The following TRMT6 variants were observed in gnomAD, a reference collection of about 807,000 sequenced individuals.
TRMT6 encodes the protein tRNA methyltransferase 6 non-catalytic subunit.
Under a neutral mutation model 59.0 loss-of-function variants are expected in TRMT6, and 34 were observed. That is an observed-to-expected ratio of 0.58 (90% CI 0.44 to 0.77). The LOEUF is 0.77. Ranked by LOEUF, TRMT6 falls within the 30% of genes least tolerant of loss-of-function variation. The pLI is 0.00. For synonymous variants in TRMT6, 217 were observed against 210.5 expected (o/e 1.03, Z -0.27); for missense variants, 575 against 604.5 (o/e 0.95, Z 0.51).
At chr20:5,945,684 A>G (rs778452414) in intron 2 of TRMT6, among the ~76,000 whole-genome samples, 3 of 152,218 alleles carry the variant, frequency 2.0e-5, no homozygotes, top group Non-Finnish European at 4.4e-5. Context: ...ATGTATCTAA[A>G]TAACAGGTTT....
At chr20:5,943,482 C>T in intron 6 of TRMT6, 77 bp downstream of exon 6, 1 of 1,576,978 alleles carries the variant, frequency 6.3e-7, no homozygotes, top group South Asian at 1.2e-5. Flanking sequence ...TTTGGCTTTC[C>T]ATGAGTTTAC....
intron 3 of TRMT6, 124 bp downstream of exon 3, chr20:5,944,681 T>C (rs1013902512): frequency 1.5e-6 from 1 of 648,272 alleles, no homozygotes; most frequent in Non-Finnish European, 2.7e-6. Context: ...CATTTCAACC[T>C]ATTTCTATCA....
At chr20:5,945,539 A>G (rs1053476311) in intron 2 of TRMT6, among the ~76,000 whole-genome samples, 1 of 152,176 alleles carries the variant, frequency 6.6e-6, no homozygotes, top group African/African-American at 2.4e-5. Flanking sequence ...TTGCTTGTCT[A>G]CTTGATTATT....
intron 9 of TRMT6, 44 bp from the exon 10 acceptor site, chr20:5,941,183 T>C (rs1186134308): frequency 1.2e-6 from 2 of 1,603,982 alleles, no homozygotes; most frequent in Middle Eastern, 1.7e-4. Context: ...CTTCCTGGGA[T>C]GCAGTTTAAG....
chr20:5,949,045 C>A (rs1401153404), intron 1 of TRMT6, among the ~76,000 whole-genome samples: 2 of 152,078 alleles, frequency 1.3e-5, no homozygotes, highest in Admixed American at 6.6e-5. Context: ...AAAAGTAATA[C>A]AATAACCTAG....
At position 5,950,489 on chromosome 20, in the gene TRMT6, T is replaced by C. The variant is rs561862666; in HGVS notation, c.-84A>G. 33 of 1,450,774 alleles carry C rather than the reference T, an allele frequency of 2.3e-5. No individual in the cohort carries two copies. The highest frequency in any genetic ancestry group is 4.6e-5 in the Admixed American group (2 of 43,336). The allele number at this position is 1,450,774 out of a possible 1,614,324, so 89.9% of individuals were successfully genotyped here. On this transcript the variant is annotated 5_prime_UTR_variant, in exon 1 of 11. Coordinates refer to ENST00000203001, the MANE Select transcript of TRMT6 (RefSeq NM_015939.5). The stretch of plus-strand genomic sequence containing the variant: ...ACCGCCAGCCTCACTTCCCACAACC[T>C]GGCGCACTAGGAGCCCTCCGACCGG...
chr20:5,950,470 AGCC>A lies in TRMT6; in HGVS notation c.-68_-66del, dbSNP rs2088782662. On this transcript the variant is annotated 5_prime_UTR_variant, in exon 1 of 11. It adds an upstream start codon to the 5' untranslated region. Transcript: ENST00000203001. ...CTCCTCCTCGGTTGTCGCCACCGCC[AGCC>A]TCACTTCCCACAACCTGGCGCACTA... The A allele has an allele frequency of 2.2e-5, 33 of 1,505,414 alleles. No individual in the cohort carries two copies. The highest frequency in any genetic ancestry group is 2.8e-5 in the Non-Finnish European group (31 of 1,127,086). The allele number at this position is 1,505,414 out of a possible 1,614,324, so 93.3% of individuals were successfully genotyped here. A position where few individuals can be genotyped will look rare whatever the true frequency, so the allele number is the denominator to read the frequency against.
At position 5,938,329 on chromosome 20, in the gene TRMT6, T is replaced by C; in HGVS notation, c.*206A>G. ...TTTTGTTAAATGCAGTTGGTCATAC[T>C]ACATACCCCATGGTTGCAGTTTTGA... is the stretch of plus-strand genomic sequence containing the variant. On this transcript the variant is annotated 3_prime_UTR_variant, in exon 11 of 11. Coordinates refer to ENST00000203001, the MANE Select transcript of TRMT6 (RefSeq NM_015939.5). The C allele has an allele frequency of 1.9e-6, 1 of 531,082 alleles. No individual in the cohort carries two copies. The highest frequency in any genetic ancestry group is 3.2e-5 in the Admixed American group (1 of 30,946). The allele number at this position is 531,082 out of a possible 1,614,324, so 32.9% of individuals were successfully genotyped here.
intron 1 of TRMT6, among the ~76,000 whole-genome samples, chr20:5,948,715 G>T (rs1487504555): frequency 1.3e-5 from 2 of 152,032 alleles, no homozygotes; most frequent in African/African-American, 4.8e-5. Flanking sequence ...AAAAAAAGAA[G>T]AATTTAAAAA....
At chr20:5,942,257 T>G (rs758331786) in intron 7 of TRMT6, 171 bp downstream of exon 7, 16 of 757,084 alleles carry the variant, frequency 2.1e-5, no homozygotes, top group Non-Finnish European at 3.5e-5. Context: ...TAAAGCTCCA[T>G]CCCGAAGACC....
chr20:5,944,257 T>A lies in TRMT6; in HGVS notation c.367-4A>T, dbSNP rs1048162193. The A allele has an allele frequency of 6.6e-7, 1 of 1,513,882 alleles. No homozygotes were observed. The highest frequency in any genetic ancestry group is 2.0e-5 in the Admixed American group (1 of 48,990). The allele number at this position is 1,513,882 out of a possible 1,614,324, so 93.8% of individuals were successfully genotyped here. A position where few individuals can be genotyped will look rare whatever the true frequency, so the allele number is the denominator to read the frequency against. On this transcript the variant is annotated splice_region_variant and splice_polypyrimidine_tract_variant and intron_variant, in intron 3 of 10. Coordinates refer to ENST00000203001, the MANE Select transcript of TRMT6 (RefSeq NM_015939.5). Reference sequence around the variant, plus strand: ...CAATTAACTGCTGAACTATTTCCTATAAGAAAAGGAGCAAGTAGATTTTCT... The same window carrying A: ...CAATTAACTGCTGAACTATTTCCTAAAAGAAAAGGAGCAAGTAGATTTTCT...
chr20:5,950,349 G>A lies in TRMT6; in HGVS notation c.57C>T (p.Arg19=), dbSNP rs138297718. 46 of 1,612,498 alleles carry A rather than the reference G, an allele frequency of 2.9e-5. No individual in the cohort carries two copies. The East Asian group carries it at 9.4e-4, about 33-fold the overall frequency. Residue 19 remains arginine (R), a synonymous_variant, in exon 1 of 11, where the codon CGC becomes CGT. Coordinates refer to ENST00000203001, the MANE Select transcript of TRMT6 (RefSeq NM_015939.5). ...GPQPQHPGDH[R]IRDGDFVVLK... is the part of the protein sequence containing the mutation. The stretch of plus-strand genomic sequence containing the variant: ...GCACCACGAAGTCGCCGTCGCGGAT[G>A]CGGTGGTCTCCGGGATGCTGTGGTT...
chr20:5,938,541 G>A lies in TRMT6; in HGVS notation c.1488C>T (p.Asp496=). The change falls in exon 11 of 11, where the codon GAC becomes GAT. Residue 496 remains aspartate (D), a synonymous_variant. Transcript: ENST00000203001. ...AAKKRKCPES[D]S ...AGAGCAATTCTCAAAAGGGTTAAGA[G>A]TCAGACTCTGGGCATTTTCGTTTTT... 1 of 1,613,954 alleles carries A rather than the reference G, an allele frequency of 6.2e-7. No homozygotes were observed. The highest frequency in any genetic ancestry group is 2.2e-5 in the East Asian group (1 of 44,880).
Position 5,950,322 on chromosome 20 carries a change from C to T in TRMT6, c.84G>A (p.Leu28=). 4 of 1,613,774 alleles carry T rather than the reference C, an allele frequency of 2.5e-6. No individual in the cohort carries two copies. Among genetic ancestry groups the T allele is most frequent in the Non-Finnish European group, 3.4e-6 (4 of 1,179,992 alleles). Reference sequence around the variant, plus strand: ...CTGCTTTAAACACATCTTCACGTTTCAGCACCACGAAGTCGCCGTCGCGGA... The same window carrying T: ...CTGCTTTAAACACATCTTCACGTTTTAGCACCACGAAGTCGCCGTCGCGGA... ...HRIRDGDFVV[L]KREDVFKAVQ... is the part of the protein sequence containing the mutation. The change falls in exon 1 of 11, where the codon CTG becomes CTA. Residue 28 remains leucine, a synonymous_variant. Transcript: ENST00000203001.
At position 5,950,385 on chromosome 20, in the gene TRMT6, C is replaced by A. The variant is rs1393828430; in HGVS notation, c.21G>T (p.Gln7His). The change falls in exon 1 of 11, where the codon CAG (glutamine) becomes CAT (histidine). Residue 7 changes from glutamine (Q) to histidine (H), a missense_variant. Coordinates refer to ENST00000203001, the MANE Select transcript of TRMT6 (RefSeq NM_015939.5). ...CGGGATGCTGTGGTTGTGGGCCCGG[C>A]TGCTCCCCTGAGCCCTCCATGACGC... MEGSGE[Q>H]PGPQPQHPGD... 2 of 1,604,858 alleles carry A rather than the reference C, an allele frequency of 1.2e-6. No homozygotes were observed. The highest frequency in any genetic ancestry group is 3.3e-5 in the Admixed American group (2 of 59,926).
chr20:5,938,246 T>G lies in TRMT6; in HGVS notation c.*289A>C. ...TATAAAGTCTTGTAGAAACACATTTTTAGGATGTTGAAGTTCTCAAGATAT... is the reference window on the plus strand; with the variant it reads ...TATAAAGTCTTGTAGAAACACATTTGTAGGATGTTGAAGTTCTCAAGATAT... On this transcript the variant is annotated 3_prime_UTR_variant, in exon 11 of 11. Coordinates refer to ENST00000203001, the MANE Select transcript of TRMT6 (RefSeq NM_015939.5). The G allele has an allele frequency of 3.5e-6, 1 of 288,346 alleles. No individual in the cohort carries two copies. The allele number at this position is 288,346 out of a possible 1,614,324, so 17.9% of individuals were successfully genotyped here. A position where few individuals can be genotyped will look rare whatever the true frequency, so the allele number is the denominator to read the frequency against.
At chr20:5,940,928 T>C in intron 10 of TRMT6, 125 bp downstream of exon 10, 2 of 783,644 alleles carry the variant, frequency 2.6e-6, no homozygotes, top group Non-Finnish European at 4.4e-6. Context: ...CCCAAAGTGC[T>C]GGGATTACAG....
In TRMT6 at chr20:5,946,422, C is replaced by A; in HGVS notation, c.240G>T (p.Arg80Ser). 1 of 1,614,016 alleles carries A rather than the reference C, an allele frequency of 6.2e-7. No homozygotes were observed. The highest frequency in any genetic ancestry group is 8.5e-7 in the Non-Finnish European group (1 of 1,180,004). ...AATGTGCACCTGCAGTAGGCTCTTC[C>A]CTCTTCTTCTTGGGCTGTAGACTTC... ...SGGSLQPKKKREEPTAETKEA... is the reference protein window; with the variant it reads ...SGGSLQPKKKSEEPTAETKEA... The change falls in exon 2 of 11, where the codon AGG becomes AGT. Residue 80 changes from arginine (R) to serine (S), a missense_variant. By Grantham distance (110) the Arg-to-Ser change is moderately radical. Transcript: ENST00000203001.
chr20:5,942,261 G>A (rs770708800), intron 7 of TRMT6, 167 bp downstream of exon 7: 237 of 767,824 alleles, frequency 3.1e-4, no homozygotes, highest in Non-Finnish European at 4.4e-4. Context: ...GCTCCATCCC[G>A]AAGACCGAAT....
Sources: allele counts gnomAD v4.1 joint callset (sites outside exome capture counted in the v4.1 genomes callset), GRCh38; gene constraint gnomAD v4.1.1; transcripts MANE v1.5; gene names NCBI Gene and HGNC (gene_info 2026-07-23, HGNC 2026-07-21).